Variants in MYL10 observed in about 807,000 individuals in gnomAD.
MYL10 encodes the protein myosin light chain 10.
A neutral mutation model predicts 21.9 loss-of-function variants in MYL10; 18 were observed. The ratio of observed to expected loss-of-function variants is 0.82; its 90% CI spans 0.57 to 1.22. The LOEUF (loss-of-function observed/expected upper bound fraction) is 1.22. Ranked by LOEUF, MYL10 falls within the 50% of genes most tolerant of loss-of-function variation. MYL10 has a pLI of 0.00. For missense variants in MYL10, 225 were observed against 230.4 expected, an observed-to-expected ratio of 0.98 and a Z score of 0.15; for synonymous variants, 88 against 82.8, an observed-to-expected ratio of 1.06 and a Z score of -0.34.
intron 5 of MYL10, 67 bp downstream of exon 5, chr7:101,622,029 T>A: frequency 7.8e-7 from 1 of 1,282,670 alleles, no homozygotes; most frequent in Non-Finnish European, 1.1e-6. Context: ...GTCAGGCCCC[T>A]GCCTTCCTAC....
rs755220744 is a variant in MYL10, at chr7:101,622,218, T to G, written c.350-18A>C. On this transcript the variant is annotated intron_variant, in intron 4 of 7. Coordinates refer to ENST00000223167, the MANE Select transcript of MYL10 (RefSeq NM_138403.5). Reference sequence around the variant, plus strand: ...GATGCGGCCTGTGGGAGGTGAGAGGTGGGGGCAGGGAGGATAAGAGAGATC... The same window carrying G: ...GATGCGGCCTGTGGGAGGTGAGAGGGGGGGGCAGGGAGGATAAGAGAGATC... 3.1e-6 allele frequency: 5 copies of G among 1,594,872 alleles called. No individual in the cohort carries two copies. Among genetic ancestry groups the G allele is most frequent in the Non-Finnish European group, 4.3e-6 (5 of 1,164,920 alleles).
intron 6 of MYL10, among the ~76,000 whole-genome samples, chr7:101,614,031 G>A (rs1346632714): frequency 6.6e-6 from 1 of 151,732 alleles, no homozygotes; most frequent in African/African-American, 2.4e-5. Context: ...GACACCTCAG[G>A]TCCCCCACCG....
chr7:101,618,536 G>A (rs1351223208), intron 5 of MYL10, among the ~76,000 whole-genome samples: 1 of 152,196 alleles, frequency 6.6e-6, no homozygotes. Context: ...TACCGTGGCT[G>A]GCAGTCCTCC....
At chr7:101,616,433 T>A (rs1205979316) in intron 5 of MYL10, 135 bp from the exon 6 acceptor site, 2 of 643,668 alleles carry the variant, frequency 3.1e-6, no homozygotes, top group Non-Finnish European at 5.5e-6. Context: ...TCTGGGGAAC[T>A]TCTTCCCCAA....
intron 1 of MYL10, among the ~76,000 whole-genome samples, chr7:101,628,572 A>C (rs888167208): frequency 3.3e-5 from 5 of 152,200 alleles, no homozygotes; most frequent in Non-Finnish European, 7.3e-5. Flanking sequence ...GGCCTGGCCC[A>C]GCCCAAGAAT....
intron 1 of MYL10, among the ~76,000 whole-genome samples, chr7:101,628,355 C>T (rs1796770746): frequency 6.6e-6 from 1 of 152,122 alleles, no homozygotes; most frequent in South Asian, 2.1e-4. Flanking sequence ...ACTCAGGAGG[C>T]TGAGGCAGGA....
chr7:101,613,578 G>A lies in MYL10; in HGVS notation c.583-5C>T. Reference sequence around the variant, plus strand: ...TGCTGCAAACATCTGCTTGACCTGAGAAGGAGCAGAGAGTCAGCCTGCACC... The same window carrying A: ...TGCTGCAAACATCTGCTTGACCTGAAAAGGAGCAGAGAGTCAGCCTGCACC... On this transcript the variant is annotated splice_polypyrimidine_tract_variant and splice_region_variant and intron_variant, in intron 7 of 7. Transcript: ENST00000223167. 1.2e-6 allele frequency: 2 copies of A among 1,614,082 alleles called. No homozygotes were observed. The highest frequency in any genetic ancestry group is 1.7e-6 in the Non-Finnish European group (2 of 1,179,958).
intron 1 of MYL10, among the ~76,000 whole-genome samples, chr7:101,626,743 C>T (rs890896394): frequency 3.3e-5 from 5 of 152,228 alleles, no homozygotes; most frequent in African/African-American, 9.6e-5. Context: ...CCCACCTCGT[C>T]TCTCTCCACC....
intron 6 of MYL10, among the ~76,000 whole-genome samples, chr7:101,614,808 C>A: frequency 6.6e-6 from 1 of 152,122 alleles, no homozygotes; most frequent in East Asian, 1.9e-4. Context: ...CTGCGTCTGC[C>A]CTCTCCCTTT....
chr7:101,625,602 G>A (rs1286781292), intron 1 of MYL10, among the ~76,000 whole-genome samples: 5 of 151,706 alleles, frequency 3.3e-5, no homozygotes, highest in Non-Finnish European at 4.4e-5. Flanking sequence ...AGCCCGCGTC[G>A]TCGAGGGCAG....
intron 5 of MYL10, among the ~76,000 whole-genome samples, chr7:101,621,085 G>T (rs1172981422): frequency 6.6e-6 from 1 of 152,062 alleles, no homozygotes; most frequent in Non-Finnish European, 1.5e-5. Context: ...CACCGTGCCC[G>T]GCCTTGGCCC....
rs1189295518 is a variant in MYL10, at chr7:101,629,226, G to C, written c.-108C>G. On this transcript the variant is annotated 5_prime_UTR_variant, in exon 1 of 8. Transcript: ENST00000223167. ...TCCCGTTCATAGGGCATGCGATGGG[G>C]GTGTGGCTCGCTTCTTCCATGCCCA... is the stretch of plus-strand genomic sequence containing the variant. 2 of 301,024 alleles carry C rather than the reference G, an allele frequency of 6.6e-6. No homozygotes were observed. Among genetic ancestry groups the C allele is most frequent in the Middle Eastern group, 7.1e-4 (1 of 1,402 alleles). The allele number at this position is 301,024 out of a possible 1,614,324, so 18.6% of individuals were successfully genotyped here. A position where few individuals can be genotyped will look rare whatever the true frequency, so the allele number is the denominator to read the frequency against.
intron 1 of MYL10, among the ~76,000 whole-genome samples, chr7:101,627,124 T>C (rs982918836): frequency 4.8e-5 from 7 of 147,144 alleles, no homozygotes; most frequent in African/African-American, 1.8e-4. Flanking sequence ...AAACCCCGTC[T>C]CTACCAAAAA....
At position 101,622,081 on chromosome 7, in the gene MYL10, AG is replaced by A; in HGVS notation, c.454+14del. Reference sequence around the variant, plus strand: ...TTCCCTGCTGCCCCTCCAGGACTCCAGGAGCCTGGCTCACCCTTCAGCTTCT... The same window carrying A: ...TTCCCTGCTGCCCCTCCAGGACTCCAGAGCCTGGCTCACCCTTCAGCTTCT... On this transcript the variant is annotated intron_variant, in intron 5 of 7. Transcript: ENST00000223167. 3.7e-6 allele frequency: 6 copies of A among 1,606,732 alleles called. No individual in the cohort carries two copies. Among genetic ancestry groups the A allele is most frequent in the Non-Finnish European group, 5.1e-6 (6 of 1,173,678 alleles).
Position 101,629,200 on chromosome 7 carries a change from A to G in MYL10, c.-82T>C, listed in dbSNP as rs994629645. 3 of 328,132 alleles carry G rather than the reference A, an allele frequency of 9.1e-6. No homozygotes were observed. The highest frequency in any genetic ancestry group is 4.3e-5 in the Admixed American group (1 of 23,476). The allele number at this position is 328,132 out of a possible 1,614,324, so 20.3% of individuals were successfully genotyped here. ...AGTGGTGAAGTGAAAAAGTTCCCTT[A>G]TCCCGTTCATAGGGCATGCGATGGG... On this transcript the variant is annotated 5_prime_UTR_variant, in exon 1 of 8. Coordinates refer to ENST00000223167, the MANE Select transcript of MYL10 (RefSeq NM_138403.5).
chr7:101,617,191 A>G (rs940583278), intron 5 of MYL10, among the ~76,000 whole-genome samples: 1 of 152,156 alleles, frequency 6.6e-6, no homozygotes, highest in African/African-American at 2.4e-5. Flanking sequence ...CAGTGCTCAA[A>G]TGTGTCATTG....
At position 101,629,029 on chromosome 7, in the gene MYL10, A is replaced by G; in HGVS notation, c.78+12T>C. On this transcript the variant is annotated intron_variant, in intron 1 of 7. Coordinates refer to ENST00000223167, the MANE Select transcript of MYL10 (RefSeq NM_138403.5). ...AGAAGTGGGGCCAGAGGCCAGGCAC[A>G]GTGGCTCATACCTGTAATCCCAGCA... is the stretch of plus-strand genomic sequence containing the variant. 2.2e-6 allele frequency: 1 copy of G among 451,320 alleles called. No individual in the cohort carries two copies. The highest frequency in any genetic ancestry group is 4.4e-6 in the Non-Finnish European group (1 of 225,762). The allele number at this position is 451,320 out of a possible 1,614,324, so 28.0% of individuals were successfully genotyped here.
In MYL10 at chr7:101,616,221, C is replaced by T. The variant is rs774258208; in HGVS notation, c.532G>A (p.Val178Ile). The T allele has an allele frequency of 1.6e-5, 26 of 1,614,058 alleles. No homozygotes were observed. In the East Asian group the frequency reaches 2.5e-4, roughly 15 times the overall value. The change falls in exon 6 of 8, where the codon GTC becomes ATC. Residue 178 changes from valine to isoleucine, a missense_variant and splice_region_variant. Coordinates refer to ENST00000223167, the MANE Select transcript of MYL10 (RefSeq NM_138403.5). ...TEGKGFVKADVIKEKLMTQAD... is the reference protein window; with the variant it reads ...TEGKGFVKADIIKEKLMTQAD... Reference sequence around the variant, plus strand: ...TTGGGGGAGTCAGGGGAAACTTACACATCGGCCTTGACGAAACCTTTCCCT... The same window carrying T: ...TTGGGGGAGTCAGGGGAAACTTACATATCGGCCTTGACGAAACCTTTCCCT...
intron 5 of MYL10, 147 bp downstream of exon 5, chr7:101,621,949 C>A: frequency 1.6e-6 from 1 of 606,528 alleles, no homozygotes; most frequent in Non-Finnish European, 2.9e-6. Flanking sequence ...GGCAGGGCCC[C>A]TGAAGGTGCG....
Sources: gnomAD v4.1 joint callset for allele counts (sites outside exome capture counted in the v4.1 genomes callset) on GRCh38, gnomAD v4.1.1 for gene constraint, MANE v1.5 for transcripts, NCBI Gene and HGNC (gene_info 2026-07-23, HGNC 2026-07-21) for gene names.